The following ATAT1 variants were observed in gnomAD, a reference collection of about 807,000 sequenced individuals.
ATAT1 encodes alpha tubulin acetyltransferase 1.
ATAT1 carries 42 observed loss-of-function variants against 57.2 expected under a neutral mutation model. That is an observed-to-expected ratio of 0.73 (90% CI 0.57 to 0.95). The LOEUF (loss-of-function observed/expected upper bound fraction) is 0.95. ATAT1 is among the 40% of genes least tolerant of loss of function. The pLI is 0.00. For synonymous variants in ATAT1, 168 were observed against 187.1 expected, an observed-to-expected ratio of 0.90 and a Z score of 0.83; for missense variants, 454 against 523.7, an observed-to-expected ratio of 0.87 and a Z score of 1.30.
chr6:30,645,933 A>C lies in ATAT1; in HGVS notation c.971A>C (p.Tyr324Ser). The C allele has an allele frequency of 6.5e-7, 1 of 1,527,174 alleles. No homozygotes were observed. The highest frequency in any genetic ancestry group is 8.8e-7 in the Non-Finnish European group (1 of 1,136,846). The allele number at this position is 1,527,174 out of a possible 1,614,324, so 94.6% of individuals were successfully genotyped here. Residue 324 changes from tyrosine (Y) to serine (S), a missense_variant, in exon 11 of 13, where the codon TAC becomes TCC. Tyr to Ser is a moderately radical substitution (Grantham distance 144). Around this residue, in one of 3 missense-constraint regions of ATAT1, gnomAD observed 216 missense variants for 222.2 expected, o/e 0.97. Transcript: ENST00000330083. Reference sequence around the variant, plus strand: ...GGTCTGGTAGCCCAAAGCTGCTGCTACAGCCGCCATGGGGGGGTGAATTCC... The same window carrying C: ...GGTCTGGTAGCCCAAAGCTGCTGCTCCAGCCGCCATGGGGGGGTGAATTCC...
At position 30,643,181 on chromosome 6, in the gene ATAT1, T is replaced by C. The variant is rs1765898604; in HGVS notation, c.932+170T>C. 12 of 1,455,678 alleles carry C rather than the reference T, an allele frequency of 8.2e-6. No homozygotes were observed. In the South Asian group the frequency reaches 1.6e-4, roughly 19 times the overall value. 90.2% of individuals were successfully genotyped at this position (1,455,678 alleles called of 1,614,324 possible). ...TTGTGCAAGTGATCTGGGAAAAAAA[T>C]GCAGTGAAGGAGCAGAATAGGACCT... On this transcript the variant is annotated intron_variant, in intron 10 of 12. Transcript: ENST00000330083.
At chr6:30,644,932 C>T (rs1350467020) in intron 10 of ATAT1, among the ~76,000 whole-genome samples, 1 of 152,192 alleles carries the variant, frequency 6.6e-6, no homozygotes, top group Non-Finnish European at 1.5e-5. Flanking sequence ...ACCTCCAGCT[C>T]TCCCCAGTGA....
intron 5 of ATAT1, 78 bp downstream of exon 5, chr6:30,628,223 AC>A (rs1189320989): frequency 1.9e-5 from 29 of 1,528,784 alleles, no homozygotes; most frequent in Non-Finnish European, 9.0e-6. Context: ...CCTGCCTCCC[AC>A]CCCCCATGTT....
intron 6 of ATAT1, among the ~76,000 whole-genome samples, chr6:30,629,144 C>G (rs1452259856): frequency 6.6e-6 from 1 of 152,108 alleles, no homozygotes; most frequent in Non-Finnish European, 1.5e-5. Context: ...AGAGATCCAC[C>G]TGCCTCAGCC....
chr6:30,629,829 C>T (rs1582755935), intron 6 of ATAT1, among the ~76,000 whole-genome samples: 1 of 152,360 alleles, frequency 6.6e-6, no homozygotes, highest in East Asian at 1.9e-4. Flanking sequence ...CAGGCGTGAG[C>T]CACCGTGCCC....
At chr6:30,628,296 T>G in intron 5 of ATAT1, 33 bp from the exon 6 acceptor site, 1 of 1,599,598 alleles carries the variant, frequency 6.3e-7, no homozygotes, top group Non-Finnish European at 8.6e-7. Flanking sequence ...TTCCCCATAC[T>G]TCCTCCTACC....
At chr6:30,628,546 AG>A in intron 6 of ATAT1, 116 bp downstream of exon 6, 1 of 817,522 alleles carries the variant, frequency 1.2e-6, no homozygotes, top group East Asian at 2.7e-5. Flanking sequence ...TTCTACAACC[AG>A]GCTCTTTCTT....
intron 10 of ATAT1, chr6:30,643,274 T>G (rs1765919363): frequency 7.0e-7 from 1 of 1,420,922 alleles, no homozygotes; most frequent in African/African-American, 1.4e-5. Flanking sequence ...AACACCGAGA[T>G]CCATCGAGTT....
chr6:30,642,675 ATTTCTCTTTT>A, intron 9 of ATAT1, 83 bp from the exon 10 acceptor site: 1 of 777,500 alleles, frequency 1.3e-6, no homozygotes, highest in East Asian at 2.5e-5. Flanking sequence ...AAAGACTCAG[ATTTCTCTTTT>A]TTTCTACCAA....
chr6:30,643,568 A>G, intron 10 of ATAT1: 1 of 1,549,726 alleles, frequency 6.5e-7, no homozygotes, highest in East Asian at 2.4e-5. Context: ...ACTAACAGCT[A>G]CCCTCTCCCT....
intron 5 of ATAT1, 68 bp from the exon 6 acceptor site, chr6:30,628,261 G>A: frequency 6.4e-7 from 1 of 1,556,050 alleles, no homozygotes; most frequent in South Asian, 1.1e-5. Flanking sequence ...CCCTTCCCAG[G>A]CTTCTGGCTT....
intron 10 of ATAT1, chr6:30,643,263 G>T (rs1387006256): frequency 1.8e-5 from 25 of 1,423,404 alleles, no homozygotes; most frequent in Middle Eastern, 2.6e-4. Context: ...ATGGTAGGAA[G>T]AACACCGAGA....
chr6:30,638,965 C>A (rs1010082563), intron 6 of ATAT1, among the ~76,000 whole-genome samples: 2 of 152,088 alleles, frequency 1.3e-5, no homozygotes, highest in Non-Finnish European at 2.9e-5. Context: ...CCCTTGGAAC[C>A]CTGCTGAATT....
chr6:30,634,146 A>G (rs1424954480), intron 6 of ATAT1, among the ~76,000 whole-genome samples: 1 of 152,156 alleles, frequency 6.6e-6, no homozygotes, highest in Non-Finnish European at 1.5e-5. Flanking sequence ...CAGAGGAGGA[A>G]AAAAGAACCA....
In ATAT1 at chr6:30,646,637, T is replaced by G; in HGVS notation, c.1224T>G (p.Pro408=). 1 of 1,560,260 alleles carries G rather than the reference T, an allele frequency of 6.4e-7. No homozygotes were observed. Among genetic ancestry groups the G allele is most frequent in the Non-Finnish European group, 8.7e-7 (1 of 1,151,986 alleles). ...TGCAGGAACGTCGCAGCACCAGGCC[T>G]TGGTGACCGCAGCCCCGTCAAACAT... is the stretch of plus-strand genomic sequence containing the variant. The change falls in exon 13 of 13, where the codon CCT becomes CCG. Residue 408 remains proline, a synonymous_variant. Coordinates refer to ENST00000330083, the MANE Select transcript of ATAT1 (RefSeq NM_001031722.4).
At position 30,646,518 on chromosome 6, in the gene ATAT1, C is replaced by T; in HGVS notation, c.1105C>T (p.Pro369Ser). 6.3e-7 allele frequency: 1 copy of T among 1,596,860 alleles called. No individual in the cohort carries two copies. The highest frequency in any genetic ancestry group is 1.3e-5 in the African/African-American group (1 of 74,696). Residue 369 changes from proline to serine, a missense_variant, in exon 13 of 13, where the codon CCC becomes TCC. Pro to Ser is a moderately conservative substitution (Grantham distance 74, BLOSUM62 -1). Transcript: ENST00000330083. Reference sequence around the variant, plus strand: ...GTCACAGGATGGGTCTGGGGAGAAGCCCATGCACACAGCTCCTCCACAGGC... The same window carrying T: ...GTCACAGGATGGGTCTGGGGAGAAGTCCATGCACACAGCTCCTCCACAGGC...
chr6:30,644,699 C>A, intron 10 of ATAT1: 1 of 904,576 alleles, frequency 1.1e-6, no homozygotes, highest in Non-Finnish European at 1.3e-6. Context: ...CTCATTTGTG[C>A]GTCATCCCTT....
chr6:30,633,679 C>A, intron 6 of ATAT1: 1 of 210,126 alleles, frequency 4.8e-6, no homozygotes, highest in Admixed American at 5.4e-5. Context: ...CCACCAAGGA[C>A]TTCAAGGAGA....
At chr6:30,646,245 T>TTC in intron 12 of ATAT1, 136 bp downstream of exon 12, 1 of 1,473,248 alleles carries the variant, frequency 6.8e-7, no homozygotes, top group Non-Finnish European at 9.0e-7. Context: ...TCCTTCTACC[T>TTC]TACATCCTGC....
Sources: allele counts gnomAD v4.1 joint callset (sites outside exome capture counted in the v4.1 genomes callset), GRCh38; gene constraint gnomAD v4.1.1; regional missense constraint gnomAD v4.1.1; transcripts MANE v1.5; gene names NCBI Gene and HGNC (gene_info 2026-07-23, HGNC 2026-07-21).